Variants in CSMD1 observed in about 807,000 individuals in gnomAD.
CSMD1 encodes CUB and sushi domain-containing protein 1.
A neutral mutation model predicts 417.5 loss-of-function variants in CSMD1; 213 were observed. The ratio of observed to expected loss-of-function variants is 0.51; its 90% CI spans 0.46 to 0.57. The LOEUF is 0.57. Among genes scored for constraint, CSMD1 ranks in the 20% least tolerant of loss-of-function variants. CSMD1 has a pLI of 0.00. For missense variants in CSMD1, 6,923 were observed against 4,529.7 expected (o/e 1.53, Z -15.17); for synonymous variants, 2,862 against 1,736.8 (o/e 1.65, Z -16.11).
intron 1 of CSMD1, among the ~76,000 whole-genome samples, chr8:4,669,868 GT>G (rs1395615624): frequency 6.6e-6 from 1 of 152,074 alleles, no homozygotes; most frequent in Non-Finnish European, 1.5e-5. Flanking sequence ...AACTCCTCAG[GT>G]TTCTGGGCTT....
intron 2 of CSMD1, among the ~76,000 whole-genome samples, chr8:4,552,048 T>C (rs1797896891): frequency 6.6e-6 from 1 of 152,160 alleles, no homozygotes; most frequent in Non-Finnish European, 1.5e-5. Context: ...ATTTCAAAAT[T>C]ACTAATCAAA....
At chr8:4,095,094 G>C (rs1382631411) in intron 3 of CSMD1, among the ~76,000 whole-genome samples, 3 of 152,162 alleles carry the variant, frequency 2.0e-5, no homozygotes, top group Admixed American at 2.0e-4. Context: ...TAACTGCAGA[G>C]GAAACAAAGT....
intron 5 of CSMD1, among the ~76,000 whole-genome samples, chr8:3,992,068 C>T (rs1020733507): frequency 1.3e-5 from 2 of 150,632 alleles, no homozygotes; most frequent in Non-Finnish European, 3.0e-5. Context: ...TTAATTATAT[C>T]CCTACACCTT....
At chr8:3,008,876 G>A (rs747318983) in intron 52 of CSMD1, among the ~76,000 whole-genome samples, 2 of 152,134 alleles carry the variant, frequency 1.3e-5, no homozygotes, top group South Asian at 4.1e-4. Flanking sequence ...CTTGTTGGCC[G>A]ATTTACCTTC....
chr8:4,613,091 T>A (rs188296469), intron 2 of CSMD1, among the ~76,000 whole-genome samples: 4 of 152,272 alleles, frequency 2.6e-5, no homozygotes, highest in African/African-American at 7.2e-5. Context: ...TAGGCTTGTC[T>A]TATAGCTGAA....
intron 3 of CSMD1, among the ~76,000 whole-genome samples, chr8:4,213,236 G>T (rs943573827): frequency 6.6e-6 from 1 of 152,172 alleles, no homozygotes; most frequent in East Asian, 1.9e-4. Context: ...TGAACCAGCT[G>T]GGTGGCTCCA....
intron 2 of CSMD1, among the ~76,000 whole-genome samples, chr8:4,554,487 C>G (rs1490882145): frequency 6.6e-6 from 1 of 152,128 alleles, no homozygotes; most frequent in Non-Finnish European, 1.5e-5. Flanking sequence ...ATTTGAGAAT[C>G]TGGAACAAAT....
chr8:4,591,682 C>A (rs2617086), intron 2 of CSMD1, among the ~76,000 whole-genome samples: 80,812 of 151,898 alleles, frequency 0.53, 22,681 homozygotes, highest in African/African-American at 0.72. Flanking sequence ...TTGGAACAGG[C>A]CTGAATTTTA....
intron 1 of CSMD1, among the ~76,000 whole-genome samples, chr8:4,972,669 G>A (rs887093699): frequency 2.0e-5 from 3 of 152,070 alleles, no homozygotes; most frequent in African/African-American, 7.2e-5. Context: ...AAGACAAATC[G>A]TTGACTTTCC....
At position 4,987,585 on chromosome 8, in the gene CSMD1, G is replaced by A. The variant is rs943582564; in HGVS notation, c.85+6747C>T. ...CACGCCAAAAAGTAAAAAATAAAAA[G>A]CACTGGAATCTGACTGATATTTTAT... On this transcript the variant is annotated intron_variant, in intron 1 of 69. Transcript: ENST00000635120. 3.9e-5 allele frequency among the ~76,000 whole-genome samples: 6 copies of A among 152,192 alleles called. No homozygotes were observed. The South Asian group carries it at 8.3e-4, about 21-fold the overall frequency.
intron 6 of CSMD1, among the ~76,000 whole-genome samples, chr8:3,715,690 C>G (rs1051382506): frequency 6.6e-6 from 1 of 152,202 alleles, no homozygotes; most frequent in East Asian, 1.9e-4. Flanking sequence ...TTACAGGCAC[C>G]TGCCACCAAA....
At chr8:4,374,487 G>A (rs1288943640) in intron 3 of CSMD1, among the ~76,000 whole-genome samples, 1 of 152,078 alleles carries the variant, frequency 6.6e-6, no homozygotes, top group Non-Finnish European at 1.5e-5. Context: ...CTTGCTACTG[G>A]CAGGAGTGAG....
At chr8:3,569,161 T>C (rs1188939519) in intron 10 of CSMD1, among the ~76,000 whole-genome samples, 1 of 152,198 alleles carries the variant, frequency 6.6e-6, no homozygotes, top group Non-Finnish European at 1.5e-5. Flanking sequence ...AGGAATCTTC[T>C]TGAGAGGCCT....
At chr8:4,245,329 G>C (rs987755223) in intron 3 of CSMD1, among the ~76,000 whole-genome samples, 1 of 152,174 alleles carries the variant, frequency 6.6e-6, no homozygotes, top group African/African-American at 2.4e-5. Flanking sequence ...GGGCTTGTGA[G>C]GCTGCAGAGG....
intron 1 of CSMD1, among the ~76,000 whole-genome samples, chr8:4,806,815 T>C (rs918320957): frequency 2.0e-5 from 3 of 152,132 alleles, no homozygotes; most frequent in African/African-American, 7.2e-5. Flanking sequence ...GCTATGAATT[T>C]GAGGGAAGCA....
intron 2 of CSMD1, among the ~76,000 whole-genome samples, chr8:4,501,155 T>A (rs1802241284): frequency 6.6e-6 from 1 of 152,164 alleles, no homozygotes; most frequent in South Asian, 2.1e-4. Flanking sequence ...TATATGTGTA[T>A]ATGTTTATGT....
chr8:2,943,368 C>T (rs538196236), intron 68 of CSMD1, among the ~76,000 whole-genome samples: 2 of 148,378 alleles, frequency 1.3e-5, no homozygotes, highest in East Asian at 2.0e-4. Flanking sequence ...GCTGGGATGA[C>T]AGGTGCCTGC....
chr8:4,317,766 C>T (rs573476752), intron 3 of CSMD1, among the ~76,000 whole-genome samples: 2 of 152,180 alleles, frequency 1.3e-5, no homozygotes, highest in East Asian at 1.9e-4. Flanking sequence ...TTCCACACTG[C>T]CCCAGAAGTT....
chr8:4,014,385 A>G (rs1485564736), intron 4 of CSMD1, among the ~76,000 whole-genome samples: 1 of 152,208 alleles, frequency 6.6e-6, no homozygotes, highest in Non-Finnish European at 1.5e-5. Context: ...GTCAATGCAC[A>G]TAGAAGTGTG....
Sources: gnomAD v4.1 joint callset for allele counts (sites outside exome capture counted in the v4.1 genomes callset) on GRCh38, gnomAD v4.1.1 for gene constraint, MANE v1.5 for transcripts, NCBI Gene and HGNC (gene_info 2026-07-23, HGNC 2026-07-21) for gene names.